Variants in ARHGAP18 observed in about 807,000 individuals in gnomAD.
ARHGAP18 encodes the protein Rho GTPase activating protein 18, also known as rho GTPase-activating protein 18.
A neutral mutation model predicts 86.2 loss-of-function variants in ARHGAP18; 67 were observed. That is an observed-to-expected ratio of 0.78 (90% confidence interval 0.64 to 0.95). ARHGAP18 has a LOEUF of 0.95. Among genes scored for constraint, ARHGAP18 ranks in the 40% least tolerant of loss-of-function variants. ARHGAP18 has a pLI of 0.00. For synonymous variants in ARHGAP18, 283 were observed against 280.4 expected (o/e 1.01, Z -0.09); for missense variants, 691 against 780.4 (o/e 0.89, Z 1.37).
intron 5 of ARHGAP18, among the ~76,000 whole-genome samples, chr6:129,624,876 C>T (rs556316720): frequency 4.7e-5 from 7 of 147,480 alleles, no homozygotes; most frequent in South Asian, 4.2e-4. Flanking sequence ...ATCCAGGAGG[C>T]GGAGGTTGCA....
rs777830329 is a variant in ARHGAP18 at position 129,638,616 on chromosome 6, T to C, written c.330A>G (p.Glu110=). The C allele has an allele frequency of 6.2e-7, 1 of 1,613,988 alleles. No individual in the cohort carries two copies. ...AACCGGCCTCTTTAAGCCACTCTTC[T>C]TCCAATTCTCCCTCTAAGACAGTAG... The part of the protein sequence containing the change: ...VVKEPDEGEL[E]EEWLKEAGLS... Residue 110 remains glutamate, a synonymous_variant, in exon 3 of 15, where the codon GAA becomes GAG. Coordinates refer to ENST00000368149, the MANE Select transcript of ARHGAP18 (RefSeq NM_033515.3).
chr6:129,616,748 G>C (rs1448991817), intron 6 of ARHGAP18, among the ~76,000 whole-genome samples: 1 of 152,100 alleles, frequency 6.6e-6, no homozygotes, highest in African/African-American at 2.4e-5. Context: ...AGGAGTTCAA[G>C]ACCAGCCTAA....
chr6:129,648,762 A>G lies in ARHGAP18; in HGVS notation c.114-6744T>C, dbSNP rs560218715. ...AAAAAAGCATGTTTCTCATGTGTAG[A>G]TTTATCTCTTTCATTTCAGCAGCGA... On this transcript the variant is annotated intron_variant, in intron 1 of 14. Coordinates refer to ENST00000368149, the MANE Select transcript of ARHGAP18 (RefSeq NM_033515.3). Among the ~76,000 whole-genome samples the G allele has an allele frequency of 5.3e-5, 8 of 151,900 alleles. No individual in the cohort carries two copies. The East Asian group carries it at 1.4e-3, about 26-fold the overall frequency.
chr6:129,613,230 C>A, intron 7 of ARHGAP18, among the ~76,000 whole-genome samples: 1 of 106,744 alleles, frequency 9.4e-6, no homozygotes, highest in Non-Finnish European at 2.0e-5. Flanking sequence ...GAGACTCTGT[C>A]TCAAAAAAAA....
At position 129,661,109 on chromosome 6, in the gene ARHGAP18, G is replaced by A. The variant is rs528014525; in HGVS notation, c.114-19091C>T. ...TTCTTTTTATGATTAAGACAAACTC[G>A]TATTAATGTTCCTTAATAGTCAGGG... On this transcript the variant is annotated intron_variant, in intron 1 of 14. Transcript: ENST00000368149. Among the ~76,000 whole-genome samples, 3 of 150,720 alleles carry A rather than the reference G, an allele frequency of 2.0e-5. No homozygotes were observed. The South Asian group carries it at 6.3e-4, about 32-fold the overall frequency.
chr6:129,595,843 T>C (rs1230233226), intron 12 of ARHGAP18, among the ~76,000 whole-genome samples: 2 of 152,170 alleles, frequency 1.3e-5, no homozygotes, highest in Non-Finnish European at 2.9e-5. Context: ...TTGAAAGCAA[T>C]ACCATCCTTC....
intron 5 of ARHGAP18, among the ~76,000 whole-genome samples, chr6:129,625,111 TTATA>T (rs1789334468): frequency 1.8e-5 from 1 of 56,826 alleles, no homozygotes; most frequent in Non-Finnish European, 3.5e-5. Flanking sequence ...ATATTATATA[TTATA>T]TAGATATATA....
At chr6:129,694,732 TTGAGA>T (rs1275750599) in intron 1 of ARHGAP18, among the ~76,000 whole-genome samples, 2 of 152,236 alleles carry the variant, frequency 1.3e-5, no homozygotes, top group African/African-American at 2.4e-5. Flanking sequence ...AACATGTCAC[TTGAGA>T]TATTTCCCCC....
chr6:129,614,917 C>T (rs1789063781), intron 7 of ARHGAP18, among the ~76,000 whole-genome samples: 2 of 152,140 alleles, frequency 1.3e-5, no homozygotes, highest in Non-Finnish European at 2.9e-5. Context: ...AGAAACACTG[C>T]CTAAGTTTCA....
chr6:129,657,269 G>A (rs1773857226), intron 1 of ARHGAP18, among the ~76,000 whole-genome samples: 2 of 151,974 alleles, frequency 1.3e-5, no homozygotes, highest in South Asian at 2.1e-4. Context: ...TTTAAGAAAG[G>A]CTTTGCTGAT....
At chr6:129,695,787 G>T (rs1354762078) in intron 1 of ARHGAP18, among the ~76,000 whole-genome samples, 4 of 151,524 alleles carry the variant, frequency 2.6e-5, no homozygotes, top group Non-Finnish European at 4.4e-5. Context: ...GTATTTTAAA[G>T]AAATATAAAC....
chr6:129,625,349 AATATATATTATGTATATTT>A lies in ARHGAP18; in HGVS notation c.786+3985_786+4003del, dbSNP rs1164931431. Among the ~76,000 whole-genome samples, 3 of 72,714 alleles carry A rather than the reference AATATATATTATGTATATTT, an allele frequency of 4.1e-5. 1 individual carries two copies. The highest frequency in any genetic ancestry group is 6.6e-5 in the Non-Finnish European group (3 of 45,128). The allele number at this position is 72,714 out of a possible 152,430, so 47.7% of individuals were successfully genotyped here. ...TGATATATGATATATATTTATATGT[AATATATATTATGTATATTT>A]ATATATATTATATATTATATATTTA... On this transcript the variant is annotated intron_variant, in intron 5 of 14. Coordinates refer to ENST00000368149, the MANE Select transcript of ARHGAP18 (RefSeq NM_033515.3).
At chr6:129,590,464 T>C (rs750455154) in intron 12 of ARHGAP18, among the ~76,000 whole-genome samples, 7 of 152,144 alleles carry the variant, frequency 4.6e-5, no homozygotes, top group East Asian at 1.9e-4. Context: ...TGTTAGGTAA[T>C]TGACATATTA....
At chr6:129,665,947 T>C (rs1370341355) in intron 1 of ARHGAP18, among the ~76,000 whole-genome samples, 1 of 152,180 alleles carries the variant, frequency 6.6e-6, no homozygotes, top group East Asian at 1.9e-4. Flanking sequence ...TCAGGACTTT[T>C]AATTACAAGC....
chr6:129,638,214 T>A (rs372054624), intron 3 of ARHGAP18, among the ~76,000 whole-genome samples, 180 bp downstream of exon 3: 10 of 152,290 alleles, frequency 6.6e-5, no homozygotes, highest in East Asian at 1.9e-4. Context: ...TTCTGCCCCA[T>A]CAGTATAACT....
At chr6:129,626,071 C>T (rs931993724) in intron 5 of ARHGAP18, among the ~76,000 whole-genome samples, 1 of 112,262 alleles carries the variant, frequency 8.9e-6, no homozygotes, top group Admixed American at 1.1e-4. Flanking sequence ...CATATACACA[C>T]ACACACACAC....
chr6:129,601,916 C>T (rs1405596036), intron 10 of ARHGAP18, among the ~76,000 whole-genome samples: 2 of 152,010 alleles, frequency 1.3e-5, no homozygotes, highest in African/African-American at 4.8e-5. Flanking sequence ...AGGTGTAAGC[C>T]ACCATACCCA....
intron 1 of ARHGAP18, among the ~76,000 whole-genome samples, chr6:129,694,170 C>T (rs745600538): frequency 1.3e-5 from 2 of 152,142 alleles, no homozygotes; most frequent in African/African-American, 2.4e-5. Flanking sequence ...GCAAACATTC[C>T]CTTGTACTTT....
chr6:129,604,976 T>C (rs945114646), intron 10 of ARHGAP18, among the ~76,000 whole-genome samples: 6 of 152,136 alleles, frequency 3.9e-5, no homozygotes, highest in Non-Finnish European at 7.3e-5. Flanking sequence ...AATTCCAAGA[T>C]GTACCAACTA....
Sources: allele counts gnomAD v4.1 joint callset (sites outside exome capture counted in the v4.1 genomes callset), GRCh38; gene constraint gnomAD v4.1.1; transcripts MANE v1.5; gene names NCBI Gene and HGNC (gene_info 2026-07-23, HGNC 2026-07-21).